GMEB2: variants seen among roughly 807,000 people sequenced by gnomAD.
The protein encoded by GMEB2 is glucocorticoid modulatory element-binding protein 2.
A neutral mutation model predicts 45.7 loss-of-function variants in GMEB2; 7 were observed. The ratio of observed to expected loss-of-function variants is 0.15; its 90% CI spans 0.09 to 0.29. The LOEUF is 0.29. Ranked by LOEUF, GMEB2 falls within the 10% of genes least tolerant of loss-of-function variation. The pLI is 1.00. For synonymous variants in GMEB2, 322 were observed against 323.6 expected, an observed-to-expected ratio of 1.00 and a Z score of 0.05; for missense variants, 582 against 739.2, an observed-to-expected ratio of 0.79 and a Z score of 2.47.
rs2089609384 is a variant in GMEB2, at chr20:63,616,491, G to T, written c.131+2776C>A. ...ACACGTGAATAGGCTCCTCATGGAA[G>T]TCATCACAACAATGCAGAGGGAAGA... On this transcript the variant is annotated intron_variant, in intron 2 of 9. Transcript: ENST00000370077. Among the ~76,000 whole-genome samples, 4 of 152,252 alleles carry T rather than the reference G, an allele frequency of 2.6e-5. No homozygotes were observed. The South Asian group carries it at 8.3e-4, about 31-fold the overall frequency.
At chr20:63,604,966 AG>A in intron 2 of GMEB2, 126 bp from the exon 3 acceptor site, 1 of 667,396 alleles carries the variant, frequency 1.5e-6, no homozygotes, top group Non-Finnish European at 2.7e-6. Flanking sequence ...GAAATGGCAG[AG>A]GGGCCGGGTG....
In GMEB2 at chr20:63,592,828, G is replaced by T. The variant is rs918463957; in HGVS notation, c.692-158C>A. Among the ~76,000 whole-genome samples the T allele has an allele frequency of 6.6e-6, 1 of 152,182 alleles. No individual in the cohort carries two copies. The highest frequency in any genetic ancestry group is 1.5e-5 in the Non-Finnish European group (1 of 68,026). ...CTTGCACTGCCCAGACACATCCACA[G>T]TGCCAAAATCTAGCAGGTCAGCCTC... On this transcript the variant is annotated intron_variant, in intron 7 of 9. Coordinates refer to ENST00000370077, the MANE Select transcript of GMEB2 (RefSeq NM_012384.5). The surrounding 1 kb of genome is among the most constrained non-coding windows in gnomAD (Gnocchi z 8.2).
In GMEB2 at chr20:63,599,203, G is replaced by GCGGCCGC. The variant is rs1569050880; in HGVS notation, c.358-1344_358-1343insGCGGCCG. On this transcript the variant is annotated intron_variant, in intron 4 of 9. Coordinates refer to ENST00000370077, the MANE Select transcript of GMEB2 (RefSeq NM_012384.5). ...CCGCTCCTGACCCCCCGGAGCTAAC[G>GCGGCCGC]TGGCCGCTCCTGACCCCCCGGAGCT... Among the ~76,000 whole-genome samples, 469 of 148,252 alleles carry GCGGCCGC rather than the reference G, an allele frequency of 3.2e-3. 16 individuals are homozygous for GCGGCCGC. The highest frequency in any genetic ancestry group is 8.9e-3 in the African/African-American group (344 of 38,826).
chr20:63,590,151 G>A lies in GMEB2; in HGVS notation c.1531C>T (p.Pro511Ser). 6.4e-7 allele frequency: 1 copy of A among 1,574,294 alleles called. No homozygotes were observed. Among genetic ancestry groups the A allele is most frequent in the Non-Finnish European group, 8.6e-7 (1 of 1,158,050 alleles). The change falls in exon 10 of 10, where the codon CCT (proline) becomes TCT (serine). Residue 511 changes from proline to serine, a missense_variant. Coordinates refer to ENST00000370077, the MANE Select transcript of GMEB2 (RefSeq NM_012384.5). Reference sequence around the variant, plus strand: ...TCAATGGTGGCCGTGTGCTCCTCAGGCCCGGGGGCAGCCCCTGCGGGCACT... The same window carrying A: ...TCAATGGTGGCCGTGTGCTCCTCAGACCCGGGGGCAGCCCCTGCGGGCACT... ...VTVPAGAAPG[P>S]EEHTATIEVA...
chr20:63,603,347 A>T (rs191383651), intron 3 of GMEB2, among the ~76,000 whole-genome samples: 1 of 152,338 alleles, frequency 6.6e-6, no homozygotes, highest in Admixed American at 6.5e-5. Flanking sequence ...TCAACTGAAG[A>T]CCCACTTAGG....
chr20:63,606,061 A>C (rs1033440666), intron 2 of GMEB2, among the ~76,000 whole-genome samples: 5 of 152,190 alleles, frequency 3.3e-5, no homozygotes, highest in Non-Finnish European at 1.5e-5. Context: ...AAAGTGTTTT[A>C]TTTCCACAAT....
chr20:63,620,079 C>G (rs1321363508), intron 1 of GMEB2, among the ~76,000 whole-genome samples: 4 of 152,190 alleles, frequency 2.6e-5, no homozygotes, highest in African/African-American at 9.7e-5. Context: ...TCTCCAATTG[C>G]TGGGATTACA....
In GMEB2 at chr20:63,613,958, G is replaced by A. The variant is rs772460037; in HGVS notation, c.131+5309C>T. The stretch of plus-strand genomic sequence containing the variant: ...TAGCATGTGGGTGGTCTGGACAGGA[G>A]GGGGAGGGAAGAGTGCAGAGCAGGG... On this transcript the variant is annotated intron_variant, in intron 2 of 9. Transcript: ENST00000370077. 5.9e-5 allele frequency among the ~76,000 whole-genome samples: 9 copies of A among 152,226 alleles called. No homozygotes were observed. In the South Asian group the frequency reaches 8.3e-4, roughly 14 times the overall value.
chr20:63,604,423 A>C (rs567149263), intron 3 of GMEB2, among the ~76,000 whole-genome samples: 74 of 152,342 alleles, frequency 4.9e-4, no homozygotes, highest in African/African-American at 1.7e-3. Flanking sequence ...TCGTTATAAT[A>C]AACAGACACA....
At chr20:63,614,194 TATC>T (rs1271331200) in intron 2 of GMEB2, among the ~76,000 whole-genome samples, 3 of 152,198 alleles carry the variant, frequency 2.0e-5, no homozygotes, top group Admixed American at 2.0e-4. Flanking sequence ...TATATATGAA[TATC>T]ATTCATCATT....
At position 63,604,811 on chromosome 20, in the gene GMEB2, G is replaced by A; in HGVS notation, c.161C>T (p.Thr54Ile). ...GGDLTEDNME[T>I]ENAAAAAAAA... is the part of the protein sequence containing the mutation. Reference sequence around the variant, plus strand: ...GGCAGCTGCTGCCGCTGCATTTTCTGTCTCCATGTTATCTTCCGTCAGGTC... The same window carrying A: ...GGCAGCTGCTGCCGCTGCATTTTCTATCTCCATGTTATCTTCCGTCAGGTC... The change falls in exon 3 of 10, where the codon ACA becomes ATA. Residue 54 changes from threonine to isoleucine, a missense_variant. By Grantham distance (89) the Thr-to-Ile change is moderately conservative. This residue lies in a region of GMEB2 where 114 missense variants were observed against 123.4 expected (regional missense o/e 0.92). Transcript: ENST00000370077. 7 of 1,610,932 alleles carry A rather than the reference G, an allele frequency of 4.3e-6. No homozygotes were observed. The highest frequency in any genetic ancestry group is 1.7e-4 in the Middle Eastern group (1 of 6,056).
intron 2 of GMEB2, among the ~76,000 whole-genome samples, chr20:63,607,226 C>T (rs1351882678): frequency 6.7e-6 from 1 of 148,162 alleles, no homozygotes; most frequent in Non-Finnish European, 1.5e-5. Flanking sequence ...AGAAACATGC[C>T]CCTCTGACCC....
intron 2 of GMEB2, among the ~76,000 whole-genome samples, chr20:63,617,012 T>A (rs556619726): frequency 6.6e-6 from 1 of 151,738 alleles, no homozygotes; most frequent in African/African-American, 2.4e-5. Flanking sequence ...TCTCACTCTA[T>A]CACTCAGGTT....
At chr20:63,622,324 T>C (rs992576703) in intron 1 of GMEB2, among the ~76,000 whole-genome samples, 1 of 152,108 alleles carries the variant, frequency 6.6e-6, no homozygotes, top group East Asian at 1.9e-4. Flanking sequence ...CTGCACTCAC[T>C]AAGGGGAGGC....
rs1303535722 is a variant in GMEB2 at position 63,604,831 on chromosome 20, C to T, written c.141G>A (p.Leu47=). Reference sequence around the variant, plus strand: ...TTTCTGTCTCCATGTTATCTTCCGTCAGGTCGCCCCTGGTGAAGTGAAGGG... The same window carrying T: ...TTTCTGTCTCCATGTTATCTTCCGTTAGGTCGCCCCTGGTGAAGTGAAGGG... ...TTNLAPHGGD[L]TEDNMETENA... is the part of the protein sequence containing the mutation. The change falls in exon 3 of 10, where the codon CTG becomes CTA. Residue 47 remains leucine (L), a synonymous_variant. Transcript: ENST00000370077. 12 of 1,604,528 alleles carry T rather than the reference C, an allele frequency of 7.5e-6. No individual in the cohort carries two copies. In the South Asian group the frequency reaches 1.2e-4, roughly 16 times the overall value.
In GMEB2 at chr20:63,592,886, C is replaced by T. The variant is rs947814583; in HGVS notation, c.691+125G>A. 9 of 736,104 alleles carry T rather than the reference C, an allele frequency of 1.2e-5. No homozygotes were observed. In the Admixed American group the frequency reaches 2.1e-4, roughly 17 times the overall value. 45.6% of individuals were successfully genotyped at this position (736,104 alleles called of 1,614,324 possible). Reference sequence around the variant, plus strand: ...CCACGACAATGCTGCTGGAACCAGGCCTTTCTCCACAAAGACCCTGCCGGC... The same window carrying T: ...CCACGACAATGCTGCTGGAACCAGGTCTTTCTCCACAAAGACCCTGCCGGC... On this transcript the variant is annotated intron_variant, in intron 7 of 9. Coordinates refer to ENST00000370077, the MANE Select transcript of GMEB2 (RefSeq NM_012384.5). This position sits in a 1 kb window ranked among gnomAD's most constrained non-coding sequence, Gnocchi z 8.2.
rs2002663 is a variant in GMEB2 at position 63,598,325 on chromosome 20, G to A, written c.358-465C>T. On this transcript the variant is annotated intron_variant, in intron 4 of 9. Transcript: ENST00000370077. ...CACCTTGCCCCGTGCAGCAAACACC[G>A]GCACCTGCTCTCACTCTGACACACA... Among the ~76,000 whole-genome samples, 791 of 137,138 alleles carry A rather than the reference G, an allele frequency of 5.8e-3. 5 individuals are homozygous for A. The highest frequency in any genetic ancestry group is 0.02 in the African/African-American group (748 of 37,856). The allele number at this position is 137,138 out of a possible 152,430, so 90.0% of individuals were successfully genotyped here.
intron 2 of GMEB2, among the ~76,000 whole-genome samples, chr20:63,618,165 A>G (rs1000883971): frequency 6.6e-6 from 1 of 152,226 alleles, no homozygotes; most frequent in African/African-American, 2.4e-5. Flanking sequence ...AAAACACGGA[A>G]GCTGTGCACC....
Position 63,595,783 on chromosome 20 carries a change from G to A in GMEB2, c.462-16C>T. 6.2e-7 allele frequency: 1 copy of A among 1,613,052 alleles called. No homozygotes were observed. The highest frequency in any genetic ancestry group is 8.5e-7 in the Non-Finnish European group (1 of 1,179,138). On this transcript the variant is annotated splice_polypyrimidine_tract_variant and intron_variant, in intron 5 of 9. Transcript: ENST00000370077. ...CATGATCTTCCTGTGACAGACAGTG[G>A]CATGGAGCGTCCAGGTCGGCCCCAG...
Sources: gnomAD v4.1 joint callset for allele counts (sites outside exome capture counted in the v4.1 genomes callset) on GRCh38, gnomAD v4.1.1 for gene constraint, gnomAD v4.1.1 regional missense constraint, Gnocchi (gnomAD v3.1) non-coding constraint, MANE v1.5 for transcripts, NCBI Gene and HGNC (gene_info 2026-07-23, HGNC 2026-07-21) for gene names.